Variants in CUL3 observed in about 807,000 individuals in gnomAD.
CUL3 encodes the protein cullin 3.
Under a neutral mutation model 89.1 loss-of-function variants are expected in CUL3, and 19 were observed. That is an observed-to-expected ratio of 0.21 (90% CI 0.15 to 0.31). The LOEUF (loss-of-function observed/expected upper bound fraction) is 0.31. Ranked by LOEUF, CUL3 falls within the 10% of genes least tolerant of loss-of-function variation. CUL3 has a pLI of 1.00. For missense variants in CUL3, 469 were observed against 942.3 expected (o/e 0.50, Z 6.58); for synonymous variants, 351 against 308.4 (o/e 1.14, Z -1.45).
At chr2:224,559,058 A>C (rs1264527852) in intron 1 of CUL3, among the ~76,000 whole-genome samples, 5 of 151,446 alleles carry the variant, frequency 3.3e-5, no homozygotes, top group Non-Finnish European at 7.4e-5. Context: ...TCTGTCTCAA[A>C]AAAAAAAAGA....
At chr2:224,560,884 T>C (rs928856184) in intron 1 of CUL3, among the ~76,000 whole-genome samples, 1 of 152,230 alleles carries the variant, frequency 6.6e-6, no homozygotes, top group African/African-American at 2.4e-5. Context: ...CTCAACTTCA[T>C]CCATTTTTTC....
intron 13 of CUL3, chr2:224,495,624 T>C (rs908358107): frequency 5.8e-5 from 23 of 397,998 alleles, no homozygotes; most frequent in Non-Finnish European, 8.5e-5. Context: ...GTATGTTTTA[T>C]ATAAAAGTAC....
At chr2:224,503,886 C>A in intron 8 of CUL3, 64 bp from the exon 9 acceptor site, 1 of 1,204,070 alleles carries the variant, frequency 8.3e-7, no homozygotes. Context: ...TACTACGGTT[C>A]ATTTACAGCT....
At chr2:224,579,184 T>G (rs6749402) in intron 1 of CUL3, among the ~76,000 whole-genome samples, 114,722 of 152,168 alleles carry the variant, frequency 0.75, 43,881 homozygotes, top group African/African-American at 0.9. Context: ...TCTAAAGTCA[T>G]AGTAGTACTA....
chr2:224,542,494 T>TC (rs1559199079), intron 2 of CUL3, among the ~76,000 whole-genome samples: 1 of 118,618 alleles, frequency 8.4e-6, no homozygotes, highest in East Asian at 2.5e-4. Context: ...CTTCTGGCTT[T>TC]TTGTGTGTGT....
At chr2:224,537,873 T>C (rs1693952692) in intron 2 of CUL3, among the ~76,000 whole-genome samples, 1 of 152,148 alleles carries the variant, frequency 6.6e-6, no homozygotes, top group South Asian at 2.1e-4. Context: ...AATAAAAAAT[T>C]GACCAATTAA....
At chr2:224,556,057 T>G (rs1694698688) in intron 2 of CUL3, among the ~76,000 whole-genome samples, 1 of 152,152 alleles carries the variant, frequency 6.6e-6, no homozygotes, top group African/African-American at 2.4e-5. Context: ...ATCACCTTGC[T>G]TCATAAGATA....
chr2:224,532,569 T>C (rs754175755), intron 3 of CUL3, among the ~76,000 whole-genome samples: 26 of 151,800 alleles, frequency 1.7e-4, no homozygotes, highest in Non-Finnish European at 3.4e-4. Flanking sequence ...ATAGTTGAGG[T>C]AGAAGCTTAA....
Position 224,471,762 on chromosome 2 carries a change from AAC to A in CUL3, c.*2481_*2482del, listed in dbSNP as rs1478014857. Reference sequence around the variant, plus strand: ...TAAATAATGTTAACGATTCAAAATAAACACTGTCCTGGACTTGATAATGAAGG... The same window carrying A: ...TAAATAATGTTAACGATTCAAAATAAACTGTCCTGGACTTGATAATGAAGG... On this transcript the variant is annotated 3_prime_UTR_variant, in exon 16 of 16. Coordinates refer to ENST00000264414, the MANE Select transcript of CUL3 (RefSeq NM_003590.5). The A allele has an allele frequency of 2.7e-5, 6 of 226,252 alleles. No individual in the cohort carries two copies. Among genetic ancestry groups the A allele is most frequent in the Non-Finnish European group, 5.3e-5 (6 of 113,844 alleles). 14.0% of individuals were successfully genotyped at this position (226,252 alleles called of 1,614,324 possible).
chr2:224,549,760 G>A (rs763843623), intron 2 of CUL3, among the ~76,000 whole-genome samples: 1 of 151,928 alleles, frequency 6.6e-6, no homozygotes, highest in African/African-American at 2.4e-5. Flanking sequence ...AAAGAAGATG[G>A]CTCCACCCTT....
chr2:224,497,742 T>C lies in CUL3; in HGVS notation c.1707+11A>G. ...TAAGTTACTTAATACGTTCAAACTA[T>C]CAATATTTACCTTTTTAACTGGTCC... On this transcript the variant is annotated intron_variant, in intron 12 of 15. Transcript: ENST00000264414. 2 of 1,592,452 alleles carry C rather than the reference T, an allele frequency of 1.3e-6. No individual in the cohort carries two copies. The highest frequency in any genetic ancestry group is 1.7e-6 in the Non-Finnish European group (2 of 1,160,560).
chr2:224,497,665 G>T (rs1216260218), intron 12 of CUL3, 88 bp downstream of exon 12: 7 of 954,228 alleles, frequency 7.3e-6, no homozygotes, highest in Admixed American at 6.5e-5. Context: ...ACAGAAGTAA[G>T]TAATTTACCC....
chr2:224,544,665 C>T, intron 2 of CUL3, among the ~76,000 whole-genome samples: 1 of 151,102 alleles, frequency 6.6e-6, no homozygotes, highest in Admixed American at 6.6e-5. Flanking sequence ...CAAGGAATGC[C>T]ATTAAATAAT....
chr2:224,540,888 T>C, intron 2 of CUL3, among the ~76,000 whole-genome samples: 1 of 152,116 alleles, frequency 6.6e-6, no homozygotes, highest in East Asian at 1.9e-4. Flanking sequence ...AGCTCCCACT[T>C]ATGAGTGAGA....
chr2:224,492,036 G>C (rs1692002638), intron 13 of CUL3, among the ~76,000 whole-genome samples: 1 of 152,088 alleles, frequency 6.6e-6, no homozygotes, highest in Admixed American at 6.5e-5. Flanking sequence ...CAGTGTATTA[G>C]AATCTAAGGA....
chr2:224,564,583 G>T (rs1694994441), intron 1 of CUL3, among the ~76,000 whole-genome samples: 1 of 152,092 alleles, frequency 6.6e-6, no homozygotes, highest in East Asian at 1.9e-4. Context: ...AACGTCATAG[G>T]AAAAAACAGT....
At chr2:224,581,946 T>G (rs1695450637) in intron 1 of CUL3, among the ~76,000 whole-genome samples, 1 of 151,952 alleles carries the variant, frequency 6.6e-6, no homozygotes, top group African/African-American at 2.4e-5. Flanking sequence ...CAATTAAGGA[T>G]GTACATATGT....
chr2:224,565,834 TA>T (rs1270183366), intron 1 of CUL3, among the ~76,000 whole-genome samples: 3 of 152,354 alleles, frequency 2.0e-5, no homozygotes, highest in Admixed American at 6.5e-5. Context: ...GGCTCTGTTG[TA>T]AATCTTGGGA....
At chr2:224,523,777 C>A (rs1693357068) in intron 3 of CUL3, among the ~76,000 whole-genome samples, 1 of 152,150 alleles carries the variant, frequency 6.6e-6, no homozygotes, top group South Asian at 2.1e-4. Flanking sequence ...ATACGATGAA[C>A]CTTAAGGACA....
Sources: allele counts gnomAD v4.1 joint callset (sites outside exome capture counted in the v4.1 genomes callset), GRCh38; gene constraint gnomAD v4.1.1; transcripts MANE v1.5; gene names NCBI Gene and HGNC (gene_info 2026-07-23, HGNC 2026-07-21).